The following RBMS3 variants were observed in gnomAD, a reference collection of about 807,000 sequenced individuals.
RBMS3 encodes the protein RNA-binding motif, single-stranded-interacting protein 3.
A neutral mutation model predicts 66.8 loss-of-function variants in RBMS3; 27 were observed. That is an observed-to-expected ratio of 0.40 (90% CI 0.30 to 0.56). The LOEUF (loss-of-function observed/expected upper bound fraction) is 0.56, where lower values mean the gene tolerates loss of function less well. RBMS3 is among the 20% of genes least tolerant of loss of function. RBMS3 has a pLI of 0.40. For missense variants in RBMS3, 513 were observed against 549.5 expected (o/e 0.93, Z 0.66); for synonymous variants, 188 against 183.0 (o/e 1.03, Z -0.22).
chr3:29,583,297 G>A (rs940472864), intron 3 of RBMS3, among the ~76,000 whole-genome samples: 2 of 152,062 alleles, frequency 1.3e-5, no homozygotes, highest in Admixed American at 6.6e-5. Flanking sequence ...CAGAGAGAAG[G>A]CACGCTAGAC....
intron 7 of RBMS3, among the ~76,000 whole-genome samples, chr3:29,879,799 T>TA (rs60224819): frequency 0.17 from 25,130 of 147,250 alleles, 2,164 homozygotes; most frequent in East Asian, 0.26. Context: ...CAACAATGGT[T>TA]AAAAAAAAAA....
intron 5 of RBMS3, among the ~76,000 whole-genome samples, chr3:29,749,417 C>A (rs1200554631): frequency 6.6e-6 from 1 of 152,064 alleles, no homozygotes; most frequent in Non-Finnish European, 1.5e-5. Flanking sequence ...GTGCTCTTGG[C>A]CTGATTATTT....
At chr3:29,826,524 G>A (rs1576923019) in intron 6 of RBMS3, among the ~76,000 whole-genome samples, 1 of 151,926 alleles carries the variant, frequency 6.6e-6, no homozygotes, top group Admixed American at 6.6e-5. Context: ...TCTTCTATTG[G>A]TGTAACAAAC....
chr3:29,792,367 A>G (rs982803444), intron 6 of RBMS3, among the ~76,000 whole-genome samples: 5 of 152,136 alleles, frequency 3.3e-5, no homozygotes, highest in South Asian at 2.1e-4. Flanking sequence ...ATTGTTCTCC[A>G]TGTTCTGTAT....
chr3:29,914,727 T>C (rs544153385), intron 10 of RBMS3, among the ~76,000 whole-genome samples: 82 of 151,904 alleles, frequency 5.4e-4, no homozygotes, highest in African/African-American at 1.9e-3. Context: ...CTGACCACAG[T>C]GATAAGTTAG....
chr3:29,420,213 T>C (rs1334179729), intron 1 of RBMS3, among the ~76,000 whole-genome samples: 1 of 152,226 alleles, frequency 6.6e-6, no homozygotes, highest in Non-Finnish European at 1.5e-5. Flanking sequence ...TATTATATCA[T>C]GGAAACTTAC....
At chr3:29,293,087 C>G (rs1181044116) in intron 1 of RBMS3, among the ~76,000 whole-genome samples, 1 of 151,826 alleles carries the variant, frequency 6.6e-6, no homozygotes, top group African/African-American at 2.4e-5. Flanking sequence ...TTGACTTACT[C>G]ATCACTAGTT....
chr3:29,368,474 T>C (rs924262295), intron 1 of RBMS3, among the ~76,000 whole-genome samples: 1 of 152,066 alleles, frequency 6.6e-6, no homozygotes, highest in Non-Finnish European at 1.5e-5. Context: ...TCGGTAAATA[T>C]TTGTTGAATG....
intron 1 of RBMS3, among the ~76,000 whole-genome samples, chr3:29,346,283 C>T (rs1575586202): frequency 6.6e-6 from 1 of 152,068 alleles, no homozygotes; most frequent in East Asian, 1.9e-4. Context: ...GCAACCAAAG[C>T]CATATTTTTA....
At chr3:29,798,687 G>A (rs953564100) in intron 6 of RBMS3, among the ~76,000 whole-genome samples, 2 of 152,174 alleles carry the variant, frequency 1.3e-5, no homozygotes, top group African/African-American at 4.8e-5. Flanking sequence ...AGAAGGTTAA[G>A]TTTTATAGAA....
chr3:29,894,381 C>T (rs2060073907), intron 8 of RBMS3, among the ~76,000 whole-genome samples: 1 of 151,444 alleles, frequency 6.6e-6, no homozygotes, highest in Admixed American at 6.6e-5. Flanking sequence ...CCATGCCCAG[C>T]TAATTTTTGT....
chr3:29,521,355 C>T (rs1482741180), intron 3 of RBMS3, among the ~76,000 whole-genome samples: 2 of 152,128 alleles, frequency 1.3e-5, no homozygotes, highest in African/African-American at 4.8e-5. Flanking sequence ...ATCTCAAAAA[C>T]TGAGTCTTTC....
At chr3:29,539,641 C>A (rs2045688922) in intron 3 of RBMS3, among the ~76,000 whole-genome samples, 1 of 152,194 alleles carries the variant, frequency 6.6e-6, no homozygotes, top group African/African-American at 2.4e-5. Flanking sequence ...TCTGAGACTT[C>A]TCTCTTAGTT....
At chr3:29,352,533 T>C (rs1388969309) in intron 1 of RBMS3, among the ~76,000 whole-genome samples, 1 of 152,082 alleles carries the variant, frequency 6.6e-6, no homozygotes, top group Admixed American at 6.6e-5. Context: ...TGTATAAAGA[T>C]CAAATCAAGG....
intron 6 of RBMS3, among the ~76,000 whole-genome samples, chr3:29,783,186 G>C (rs1488251092): frequency 3.9e-5 from 6 of 152,062 alleles, no homozygotes; most frequent in Non-Finnish European, 1.5e-5. Context: ...CCAAATGCAA[G>C]AAACTCAAAG....
intron 6 of RBMS3, among the ~76,000 whole-genome samples, chr3:29,763,315 C>G (rs1369995734): frequency 6.6e-6 from 1 of 151,998 alleles, no homozygotes; most frequent in Non-Finnish European, 1.5e-5. Context: ...TTCCAAGTTA[C>G]AAAATATCCA....
intron 4 of RBMS3, among the ~76,000 whole-genome samples, chr3:29,606,025 A>G (rs2048310912): frequency 1.3e-5 from 2 of 149,376 alleles, no homozygotes; most frequent in South Asian, 2.1e-4. Flanking sequence ...GAGTTATACC[A>G]TCCTAGCTTT....
intron 6 of RBMS3, among the ~76,000 whole-genome samples, chr3:29,800,465 A>T (rs992480468): frequency 4.6e-5 from 7 of 152,204 alleles, no homozygotes; most frequent in Non-Finnish European, 1.0e-4. Context: ...ATCAAATATA[A>T]AATAATTTAT....
At chr3:29,801,722 A>C (rs1296618589) in intron 6 of RBMS3, among the ~76,000 whole-genome samples, 1 of 152,166 alleles carries the variant, frequency 6.6e-6, no homozygotes, top group Non-Finnish European at 1.5e-5. Flanking sequence ...TATGACACAC[A>C]GTAAAATATG....
Sources: allele counts gnomAD v4.1 joint callset (sites outside exome capture counted in the v4.1 genomes callset), GRCh38; gene constraint gnomAD v4.1.1; transcripts MANE v1.5; gene names NCBI Gene and HGNC (gene_info 2026-07-23, HGNC 2026-07-21).